Variants in ROBO2 observed in about 807,000 individuals in gnomAD.
ROBO2 encodes roundabout guidance receptor 2.
In ROBO2, 53 loss-of-function variants were observed where a neutral mutation model predicts 160.8. The ratio of observed to expected loss-of-function variants is 0.33; its 90% CI spans 0.26 to 0.41. ROBO2 has a LOEUF of 0.41. Among genes scored for constraint, ROBO2 ranks in the 10% least tolerant of loss-of-function variants. The pLI is 1.00. For missense variants in ROBO2, 1,577 were observed against 1,722.4 expected, an observed-to-expected ratio of 0.92 and a Z score of 1.49; for synonymous variants, 664 against 611.7, an observed-to-expected ratio of 1.09 and a Z score of -1.26.
intron 2 of ROBO2, chr3:75,937,709 T>A: frequency 1.6e-6 from 1 of 626,270 alleles, no homozygotes; most frequent in South Asian, 3.2e-5. Flanking sequence ...GTTGTAATTT[T>A]CCCCCAGGTT....
At chr3:76,696,235 T>TG (rs2092924403) in intron 2 of ROBO2, among the ~76,000 whole-genome samples, 1 of 152,208 alleles carries the variant, frequency 6.6e-6, no homozygotes, top group South Asian at 2.1e-4. Context: ...AGATTTGTAA[T>TG]GGAGACATTT....
chr3:77,464,819 G>A (rs571560795), intron 2 of ROBO2, among the ~76,000 whole-genome samples: 1 of 152,240 alleles, frequency 6.6e-6, no homozygotes, highest in Non-Finnish European at 1.5e-5. Context: ...TCAGTGATTG[G>A]TTCTCCAGTG....
At chr3:77,218,293 A>G (rs1367221407) in intron 2 of ROBO2, among the ~76,000 whole-genome samples, 1 of 151,994 alleles carries the variant, frequency 6.6e-6, no homozygotes, top group African/African-American at 2.4e-5. Context: ...TGTATTTTGT[A>G]CATTTCTGCC....
At chr3:76,627,543 G>A (rs1305343028) in intron 2 of ROBO2, among the ~76,000 whole-genome samples, 1 of 152,222 alleles carries the variant, frequency 6.6e-6, no homozygotes, top group African/African-American at 2.4e-5. Flanking sequence ...AAATTTATAA[G>A]ATGAAACAAC....
intron 1 of ROBO2, among the ~76,000 whole-genome samples, chr3:75,908,674 T>TG (rs1452211039): frequency 3.3e-5 from 5 of 152,320 alleles, no homozygotes; most frequent in African/African-American, 1.2e-4. Context: ...ACATGCTATA[T>TG]GAAAAAAAAG....
chr3:77,625,418 G>A (rs1349528128), intron 23 of ROBO2, among the ~76,000 whole-genome samples: 1 of 149,306 alleles, frequency 6.7e-6, no homozygotes, highest in African/African-American at 2.5e-5. Context: ...TCACTCTATC[G>A]CCAGGCTGGA....
intron 2 of ROBO2, among the ~76,000 whole-genome samples, chr3:77,336,186 G>T (rs1490365583): frequency 2.0e-5 from 3 of 152,186 alleles, no homozygotes; most frequent in South Asian, 4.1e-4. Flanking sequence ...TTTTTGGAGG[G>T]CCCCTTTGGA....
At chr3:76,760,425 A>G (rs933727923) in intron 2 of ROBO2, among the ~76,000 whole-genome samples, 1 of 151,730 alleles carries the variant, frequency 6.6e-6, no homozygotes, top group Non-Finnish European at 1.5e-5. Flanking sequence ...GTTTTTAAAA[A>G]TGAGTATAGC....
intron 2 of ROBO2, among the ~76,000 whole-genome samples, chr3:76,428,210 A>G (rs1050355742): frequency 1.1e-4 from 17 of 152,254 alleles, no homozygotes; most frequent in Admixed American, 2.6e-4. Flanking sequence ...GAGTCTTCCA[A>G]TAGGCTCCAG....
chr3:77,005,172 C>G (rs2061519352), intron 2 of ROBO2, among the ~76,000 whole-genome samples: 1 of 152,188 alleles, frequency 6.6e-6, no homozygotes, highest in Admixed American at 6.5e-5. Flanking sequence ...TCAAATGGCA[C>G]CACCACTGAA....
At chr3:76,391,281 C>T (rs1038769501) in intron 2 of ROBO2, among the ~76,000 whole-genome samples, 1 of 152,048 alleles carries the variant, frequency 6.6e-6, no homozygotes, top group African/African-American at 2.4e-5. Flanking sequence ...AGCTGCTTAT[C>T]GTATTTTGCT....
chr3:76,054,569 T>A lies in ROBO2; in HGVS notation c.109+116967T>A, dbSNP rs553051451. Reference sequence around the variant, plus strand: ...TTGTTTACATGCCTATTGCATGTTGTCACTTATAAGTAGGAGCTAAACAGT... The same window carrying A: ...TTGTTTACATGCCTATTGCATGTTGACACTTATAAGTAGGAGCTAAACAGT... On this transcript the variant is annotated intron_variant, in intron 2 of 26. Transcript: ENST00000487694. 3.3e-5 allele frequency among the ~76,000 whole-genome samples: 5 copies of A among 152,340 alleles called. No individual in the cohort carries two copies. In the South Asian group the frequency reaches 1.0e-3, roughly 32 times the overall value.
At chr3:76,455,888 A>G (rs2077724264) in intron 2 of ROBO2, among the ~76,000 whole-genome samples, 1 of 152,138 alleles carries the variant, frequency 6.6e-6, no homozygotes, top group Admixed American at 6.6e-5. Context: ...TACCAATTCT[A>G]TTTTGGATTG....
At chr3:76,993,369 G>A (rs2060799871) in intron 2 of ROBO2, among the ~76,000 whole-genome samples, 1 of 152,140 alleles carries the variant, frequency 6.6e-6, no homozygotes, top group Non-Finnish European at 1.5e-5. Flanking sequence ...ATGTATCTTA[G>A]AGGAAATGAT....
intron 2 of ROBO2, among the ~76,000 whole-genome samples, chr3:76,010,303 T>C (rs1247079194): frequency 6.6e-6 from 1 of 152,252 alleles, no homozygotes; most frequent in Admixed American, 6.5e-5. Flanking sequence ...GCCTGCTGTG[T>C]ATATGCAGCA....
chr3:76,808,649 G>T (rs2064927788), intron 2 of ROBO2, among the ~76,000 whole-genome samples: 2 of 152,128 alleles, frequency 1.3e-5, no homozygotes. Flanking sequence ...TAAGAAGAAT[G>T]ATTAAGAATG....
At chr3:76,716,264 T>A (rs139256191) in intron 2 of ROBO2, among the ~76,000 whole-genome samples, 1 of 152,306 alleles carries the variant, frequency 6.6e-6, no homozygotes, top group African/African-American at 2.4e-5. Flanking sequence ...GGAGTCTCTA[T>A]CAAATGGCCT....
At chr3:77,227,743 G>A (rs1239473205) in intron 2 of ROBO2, among the ~76,000 whole-genome samples, 13 of 152,192 alleles carry the variant, frequency 8.5e-5, no homozygotes, top group African/African-American at 2.4e-5. Context: ...CAAAGGAGAG[G>A]AAACAGGTTA....
chr3:77,438,482 A>G (rs2079554890), intron 2 of ROBO2, among the ~76,000 whole-genome samples: 1 of 151,668 alleles, frequency 6.6e-6, no homozygotes, highest in South Asian at 2.1e-4. Context: ...AACACTTCAG[A>G]CTGTTTAGGG....
Sources: gnomAD v4.1 joint callset for allele counts (sites outside exome capture counted in the v4.1 genomes callset) on GRCh38, gnomAD v4.1.1 for gene constraint, MANE v1.5 for transcripts, NCBI Gene and HGNC (gene_info 2026-07-23, HGNC 2026-07-21) for gene names.